SORBS2: variants seen among roughly 807,000 people sequenced by gnomAD.
SORBS2 encodes sorbin and SH3 domain-containing protein 2.
A neutral mutation model predicts 97.7 loss-of-function variants in SORBS2; 46 were observed. The observed-to-expected ratio is 0.47, with a 90% CI of 0.37 to 0.60. The LOEUF is 0.60. Among genes scored for constraint, SORBS2 ranks in the 20% least tolerant of loss-of-function variants. The pLI, the probability that SORBS2 is intolerant of heterozygous loss-of-function variation, is 0.00. For missense variants in SORBS2, 1,316 were observed against 1,282.3 expected (o/e 1.03, Z -0.40); for synonymous variants, 476 against 473.4 (o/e 1.01, Z -0.07).
chr4:185,661,222 G>A (rs576325336), upstream of SORBS2, among the ~76,000 whole-genome samples: 47 of 151,344 alleles, frequency 3.1e-4, no homozygotes, highest in Non-Finnish European at 6.2e-4. Context: ...GTTGCAGTGA[G>A]CCGAGATCGC....
At chr4:185,681,401 GAAA>G (rs35332490) in intron 2 of SORBS2, among the ~76,000 whole-genome samples, 1 of 138,428 alleles carries the variant, frequency 7.2e-6, no homozygotes. Flanking sequence ...ATATAGGTTA[GAAA>G]AAAAAAAAAA....
chr4:185,625,779 G>A (rs922420228), intron 6 of SORBS2, among the ~76,000 whole-genome samples: 5 of 152,190 alleles, frequency 3.3e-5, no homozygotes. Flanking sequence ...CCTTAAAAGG[G>A]CTAGGCATCC....
intron 1 of SORBS2, among the ~76,000 whole-genome samples, chr4:185,949,785 A>G (rs1444183541): frequency 6.6e-6 from 1 of 152,122 alleles, no homozygotes; most frequent in Admixed American, 6.5e-5. Context: ...TGAATCTGAG[A>G]CCTATTTGGG....
At chr4:185,771,376 G>A (rs2098970451) in intron 2 of SORBS2, 1 of 152,190 alleles carries the variant, frequency 6.6e-6, no homozygotes, top group South Asian at 2.1e-4. Flanking sequence ...GTTAGTGAGA[G>A]CTTCCTTGTG....
At chr4:185,942,175 A>G (rs561942595) in intron 1 of SORBS2, among the ~76,000 whole-genome samples, 1 of 152,106 alleles carries the variant, frequency 6.6e-6, no homozygotes, top group African/African-American at 2.4e-5. Context: ...TGAAAATTCC[A>G]GTTTTTCTTC....
chr4:185,806,093 G>A (rs188869373), intron 1 of SORBS2, among the ~76,000 whole-genome samples: 77 of 152,322 alleles, frequency 5.1e-4, no homozygotes, highest in Non-Finnish European at 9.1e-4. Flanking sequence ...GGCAGAAGTC[G>A]CTGACTCCTC....
At chr4:185,801,129 C>T (rs1290814186) in intron 1 of SORBS2, among the ~76,000 whole-genome samples, 6 of 152,158 alleles carry the variant, frequency 3.9e-5, no homozygotes, top group African/African-American at 1.4e-4. Flanking sequence ...TGAGATTGTA[C>T]AGTATTTGTC....
intron 2 of SORBS2, among the ~76,000 whole-genome samples, chr4:185,738,585 T>C (rs1246796261): frequency 6.6e-6 from 1 of 152,210 alleles, no homozygotes; most frequent in Non-Finnish European, 1.5e-5. Flanking sequence ...CCATATCTGG[T>C]CACATGTCCA....
intron 1 of SORBS2, chr4:185,918,162 T>C (rs2099259211): frequency 6.6e-6 from 1 of 152,180 alleles, no homozygotes; most frequent in South Asian, 2.1e-4. Flanking sequence ...CCTAAGATGT[T>C]TTCACAGATT....
intron 4 of SORBS2, chr4:185,665,883 G>C: frequency 3.4e-6 from 4 of 1,187,142 alleles, no homozygotes; most frequent in Non-Finnish European, 4.3e-6. Context: ...CACTCTCCGA[G>C]CGGGAGGAGT....
At chr4:185,587,623 C>A in exon 15 of SORBS2, 1 of 1,612,914 alleles carries the variant, frequency 6.2e-7, no homozygotes, top group Non-Finnish European at 8.5e-7. Context: ...GGAGGGAGCG[C>A]AATTCACAGC....
At chr4:185,897,820 T>C (rs1462397310) in intron 1 of SORBS2, among the ~76,000 whole-genome samples, 1 of 152,062 alleles carries the variant, frequency 6.6e-6, no homozygotes, top group Non-Finnish European at 1.5e-5. Flanking sequence ...GCAGATTACC[T>C]GAGGTCAGGA....
chr4:185,677,331 T>C, intron 4 of SORBS2: 3 of 1,552,402 alleles, frequency 1.9e-6, no homozygotes, highest in Non-Finnish European at 2.6e-6. Flanking sequence ...TTGCCTGTAG[T>C]CCTCTTGTAG....
chr4:185,704,550 C>A (rs747477463), intron 2 of SORBS2, among the ~76,000 whole-genome samples: 26 of 152,004 alleles, frequency 1.7e-4, no homozygotes, highest in Non-Finnish European at 3.8e-4. Flanking sequence ...AGTTCCTGAC[C>A]TCAGGTGATC....
chr4:185,914,730 G>A (rs886104515), intron 1 of SORBS2, among the ~76,000 whole-genome samples: 1 of 152,146 alleles, frequency 6.6e-6, no homozygotes, highest in African/African-American at 2.4e-5. Flanking sequence ...AATACCACGA[G>A]GCCTGACCAT....
chr4:185,807,797 G>A (rs2099163251), intron 1 of SORBS2, among the ~76,000 whole-genome samples: 1 of 152,130 alleles, frequency 6.6e-6, no homozygotes, highest in Admixed American at 6.5e-5. Flanking sequence ...GATTTAACAG[G>A]CATATCCATA....
chr4:185,639,153 A>C (rs1055380629), intron 4 of SORBS2, 118 bp from the exon 14 acceptor site: 24 of 920,924 alleles, frequency 2.6e-5, no homozygotes, highest in Non-Finnish European at 3.6e-5. Flanking sequence ...AGGCCTCCGG[A>C]CGGCGAAGTG....
At chr4:185,806,840 T>C (rs539172923) in intron 1 of SORBS2, among the ~76,000 whole-genome samples, 1 of 152,188 alleles carries the variant, frequency 6.6e-6, no homozygotes, top group Non-Finnish European at 1.5e-5. Context: ...GATGCTGAAT[T>C]GAATAGAACA....
At chr4:185,778,333 C>A (rs2099010180) in intron 1 of SORBS2, among the ~76,000 whole-genome samples, 1 of 152,178 alleles carries the variant, frequency 6.6e-6, no homozygotes, top group South Asian at 2.1e-4. Flanking sequence ...GCATCCCTAA[C>A]AAATTCCCGG....
Sources: gnomAD v4.1 joint callset for allele counts (sites outside exome capture counted in the v4.1 genomes callset) on GRCh38, gnomAD v4.1.1 for gene constraint, MANE v1.5 for transcripts, NCBI Gene and HGNC (gene_info 2026-07-23, HGNC 2026-07-21) for gene names.